The following MACROD2 variants were observed in gnomAD, a reference collection of about 807,000 sequenced individuals.
MACROD2 encodes ADP-ribose glycohydrolase MACROD2.
MACROD2 carries 36 observed loss-of-function variants against 70.4 expected under a neutral mutation model. The ratio of observed to expected loss-of-function variants is 0.51; its 90% CI spans 0.39 to 0.68. MACROD2 has a LOEUF of 0.68. MACROD2 is among the 30% of genes least tolerant of loss of function. MACROD2 has a pLI of 0.00. For missense variants in MACROD2, 496 were observed against 538.4 expected (o/e 0.92, Z 0.78); for synonymous variants, 172 against 178.8 (o/e 0.96, Z 0.30).
chr20:14,929,304 T>G (rs1396013088), intron 5 of MACROD2: 1 of 152,180 alleles, frequency 6.6e-6, no homozygotes, highest in African/African-American at 2.4e-5. Flanking sequence ...AATCAGAGGT[T>G]TCTCACGATT....
At chr20:15,615,354 T>C (rs1302000701) in intron 8 of MACROD2, among the ~76,000 whole-genome samples, 1 of 152,140 alleles carries the variant, frequency 6.6e-6, no homozygotes, top group Non-Finnish European at 1.5e-5. Context: ...ATTTCCAGGT[T>C]TTCACAGGGT....
At chr20:15,082,451 G>A (rs763421672) in intron 5 of MACROD2, among the ~76,000 whole-genome samples, 13 of 149,628 alleles carry the variant, frequency 8.7e-5, no homozygotes, top group Admixed American at 3.3e-4. Context: ...TCTTAGTCTC[G>A]TATTCTTGAA....
intron 5 of MACROD2, among the ~76,000 whole-genome samples, chr20:14,891,329 TATC>T: frequency 6.6e-6 from 1 of 152,296 alleles, no homozygotes; most frequent in East Asian, 1.9e-4. Context: ...CATTACATTA[TATC>T]TTCTTACACT....
At chr20:15,019,219 T>C (rs2075145779) in intron 5 of MACROD2, among the ~76,000 whole-genome samples, 1 of 152,222 alleles carries the variant, frequency 6.6e-6, no homozygotes, top group Non-Finnish European at 1.5e-5. Context: ...AGAAAACATT[T>C]AATTCTCATT....
intron 4 of MACROD2, among the ~76,000 whole-genome samples, chr20:14,584,138 CTA>C (rs1265598066): frequency 6.6e-6 from 1 of 152,052 alleles, no homozygotes; most frequent in Non-Finnish European, 1.5e-5. Context: ...AAGGGCTTTC[CTA>C]TCCAGGAAAC....
intron 5 of MACROD2, among the ~76,000 whole-genome samples, chr20:14,799,203 G>T (rs1489978455): frequency 2.6e-5 from 4 of 151,910 alleles, no homozygotes; most frequent in Non-Finnish European, 5.9e-5. Flanking sequence ...ATATACTTCT[G>T]ATGAGATTTT....
intron 8 of MACROD2, among the ~76,000 whole-genome samples, chr20:15,741,963 TC>T (rs1226634926): frequency 1.3e-5 from 2 of 152,204 alleles, no homozygotes; most frequent in African/African-American, 4.8e-5. Context: ...CCTTGAGCCC[TC>T]ATACTTCTTA....
intron 7 of MACROD2, among the ~76,000 whole-genome samples, chr20:15,479,767 T>C (rs1332018868): frequency 6.6e-6 from 1 of 152,190 alleles, no homozygotes; most frequent in Non-Finnish European, 1.5e-5. Context: ...AGAATGGTCT[T>C]TATTTTTCAC....
rs1323836473 is a variant in MACROD2, at chr20:14,753,488, TTAAA to T, written c.418+68532_418+68535del. ...AAGGGAAACTTTGAATTTTTAGAGC[TTAAA>T]TAGATTACTATCAATATCTAAAAAG... On this transcript the variant is annotated intron_variant, in intron 5 of 17. Coordinates refer to ENST00000684519, the MANE Select transcript of MACROD2 (RefSeq NM_001351661.2). Among the ~76,000 whole-genome samples the T allele has an allele frequency of 4.6e-5, 7 of 152,256 alleles. No homozygotes were observed. In the South Asian group the frequency reaches 6.2e-4, roughly 14 times the overall value.
chr20:14,667,726 A>G (rs1025470065), intron 4 of MACROD2, among the ~76,000 whole-genome samples: 1 of 152,160 alleles, frequency 6.6e-6, no homozygotes, highest in Admixed American at 6.6e-5. Context: ...CCTCTCTGAA[A>G]TCTCTTCTAT....
At chr20:15,171,903 C>A (rs1162093692) in intron 5 of MACROD2, among the ~76,000 whole-genome samples, 1 of 152,184 alleles carries the variant, frequency 6.6e-6, no homozygotes, top group Non-Finnish European at 1.5e-5. Flanking sequence ...GTCTACCCAG[C>A]AGCTAGCACA....
At chr20:14,339,243 G>T (rs3789335) in intron 3 of MACROD2, among the ~76,000 whole-genome samples, 1 of 151,988 alleles carries the variant, frequency 6.6e-6, no homozygotes, top group African/African-American at 2.4e-5. Flanking sequence ...TTGCACTTTT[G>T]TGGGCCTCAG....
chr20:14,471,173 G>C (rs416534), intron 3 of MACROD2, among the ~76,000 whole-genome samples: 69,844 of 151,938 alleles, frequency 0.46, 17,101 homozygotes, highest in East Asian at 0.83. Context: ...TTGGCTAGGG[G>C]AGGGAGTTCC....
At chr20:14,596,279 A>G (rs1222916864) in intron 4 of MACROD2, among the ~76,000 whole-genome samples, 1 of 151,224 alleles carries the variant, frequency 6.6e-6, no homozygotes, top group Admixed American at 6.6e-5. Context: ...TTTAGTAGAG[A>G]CGGGGTTTCA....
chr20:14,276,305 T>G (rs547575158), intron 3 of MACROD2, among the ~76,000 whole-genome samples: 20 of 150,310 alleles, frequency 1.3e-4, no homozygotes, highest in Non-Finnish European at 2.5e-4. Context: ...CCATAAAAAA[T>G]GATGAGTTCA....
At chr20:15,252,483 C>T (rs925955328) in intron 6 of MACROD2, among the ~76,000 whole-genome samples, 5 of 152,180 alleles carry the variant, frequency 3.3e-5, no homozygotes, top group Non-Finnish European at 1.5e-5. Flanking sequence ...GGAACTGTTG[C>T]TTGTCACAAC....
intron 8 of MACROD2, among the ~76,000 whole-genome samples, chr20:15,560,874 G>A (rs1235803513): frequency 6.8e-6 from 1 of 147,770 alleles, no homozygotes; most frequent in African/African-American, 2.5e-5. Context: ...TCTGGTTTAT[G>A]TCTAAAACAG....
At chr20:15,077,743 A>G (rs1448267101) in intron 5 of MACROD2, among the ~76,000 whole-genome samples, 2 of 152,262 alleles carry the variant, frequency 1.3e-5, no homozygotes, top group African/African-American at 4.8e-5. Context: ...TTTCAGATAT[A>G]TAGATGCCAT....
At chr20:15,434,373 A>G (rs1333382211) in intron 7 of MACROD2, among the ~76,000 whole-genome samples, 2 of 152,024 alleles carry the variant, frequency 1.3e-5, no homozygotes, top group East Asian at 1.9e-4. Flanking sequence ...GACATAGACA[A>G]TTCTCAAAAG....
Sources: allele counts gnomAD v4.1 joint callset (sites outside exome capture counted in the v4.1 genomes callset), GRCh38; gene constraint gnomAD v4.1.1; transcripts MANE v1.5; gene names NCBI Gene and HGNC (gene_info 2026-07-23, HGNC 2026-07-21).